Variants in MVB12B observed in about 807,000 individuals in gnomAD.
MVB12B encodes multivesicular body subunit 12B, also known as ESCRT-I complex subunit MVB12B.
A neutral mutation model predicts 41.6 loss-of-function variants in MVB12B; 16 were observed. The observed-to-expected ratio is 0.38, with a 90% CI of 0.26 to 0.58. The LOEUF is 0.58. Among genes scored for constraint, MVB12B ranks in the 20% least tolerant of loss-of-function variants. MVB12B has a pLI of 0.62. For synonymous variants in MVB12B, 133 were observed against 139.7 expected, an observed-to-expected ratio of 0.95 and a Z score of 0.34; for missense variants, 274 against 380.2, an observed-to-expected ratio of 0.72 and a Z score of 2.32.
At position 126,389,475 on chromosome 9, in the gene MVB12B, A is replaced by T. The variant is rs1830884516; in HGVS notation, c.410-2591A>T. Among the ~76,000 whole-genome samples the T allele has an allele frequency of 2.0e-5, 3 of 152,178 alleles. No homozygotes were observed. Among genetic ancestry groups the T allele is most frequent in the Admixed American group, 6.5e-5 (1 of 15,282 alleles). ...TACTTTCTCTGTGTTCATTAGCATG[A>T]CTGAACACATTTCTATTGACTATGT... On this transcript the variant is annotated intron_variant, in intron 4 of 9. Transcript: ENST00000361171. The surrounding 1 kb of genome is among the most constrained non-coding windows in gnomAD (Gnocchi z 4.4).
intron 3 of MVB12B, among the ~76,000 whole-genome samples, chr9:126,381,929 T>C (rs1198606177): frequency 6.6e-6 from 1 of 152,074 alleles, no homozygotes; most frequent in Admixed American, 6.5e-5. Context: ...TTGTTCAAGG[T>C]TACTTCTCTT....
At chr9:126,372,355 A>G (rs1204828660) in intron 2 of MVB12B, among the ~76,000 whole-genome samples, 1 of 152,240 alleles carries the variant, frequency 6.6e-6, no homozygotes, top group African/African-American at 2.4e-5. Flanking sequence ...GTTTGTATGT[A>G]GACGCTTGTT....
chr9:126,374,477 C>G lies in MVB12B; in HGVS notation c.205-6587C>G, dbSNP rs1204778882. 4.6e-5 allele frequency among the ~76,000 whole-genome samples: 7 copies of G among 152,198 alleles called. No individual in the cohort carries two copies. The East Asian group carries it at 1.3e-3, about 29-fold the overall frequency. On this transcript the variant is annotated intron_variant, in intron 2 of 9. Transcript: ENST00000361171. ...CCTCTGTGACTGCTGCACAGTGGCC[C>G]AGAATGTGACCTCTGAACTCAAGCT...
intron 7 of MVB12B, among the ~76,000 whole-genome samples, chr9:126,463,197 C>T (rs937940762): frequency 1.3e-5 from 2 of 152,138 alleles, no homozygotes; most frequent in African/African-American, 4.8e-5. Context: ...TGGAAACACA[C>T]CTCTGCGTAG....
intron 6 of MVB12B, among the ~76,000 whole-genome samples, chr9:126,409,892 T>C (rs1455567113): frequency 6.6e-6 from 1 of 152,254 alleles, no homozygotes; most frequent in Admixed American, 6.5e-5. Flanking sequence ...TTGCCTGGAA[T>C]GATGATTAAT....
intron 6 of MVB12B, among the ~76,000 whole-genome samples, chr9:126,418,531 G>A (rs932732375): frequency 1.3e-5 from 2 of 152,100 alleles, no homozygotes; most frequent in African/African-American, 2.4e-5. Context: ...CCACATTGGC[G>A]CCTTAGTTTT....
chr9:126,437,236 C>T (rs1225803848), intron 7 of MVB12B, among the ~76,000 whole-genome samples: 1 of 152,072 alleles, frequency 6.6e-6, no homozygotes, highest in Non-Finnish European at 1.5e-5. Flanking sequence ...TAGGAAGCTG[C>T]TATGTAGTTC....
chr9:126,457,102 A>G (rs1044365674), intron 7 of MVB12B, among the ~76,000 whole-genome samples: 2 of 152,086 alleles, frequency 1.3e-5, no homozygotes, highest in African/African-American at 4.8e-5. Flanking sequence ...TGGCAGGCTT[A>G]TTCCTCCCAG....
At chr9:126,332,246 C>A (rs1829151273) in intron 1 of MVB12B, among the ~76,000 whole-genome samples, 1 of 152,132 alleles carries the variant, frequency 6.6e-6, no homozygotes, top group Admixed American at 6.5e-5. Context: ...AGAGTCCCCT[C>A]CTTTGCAGTC....
intron 7 of MVB12B, among the ~76,000 whole-genome samples, chr9:126,446,254 ATTTTG>A (rs1832763013): frequency 6.6e-6 from 1 of 151,988 alleles, no homozygotes; most frequent in South Asian, 2.1e-4. Flanking sequence ...GATACAGATT[ATTTTG>A]TTTTGATGAT....
chr9:126,386,445 T>C lies in MVB12B; in HGVS notation c.313-117T>C, dbSNP rs1588129416. 3.0e-6 allele frequency: 2 copies of C among 674,312 alleles called. No individual in the cohort carries two copies. Among genetic ancestry groups the C allele is most frequent in the South Asian group, 3.5e-5 (2 of 57,908 alleles). 41.8% of individuals were successfully genotyped at this position (674,312 alleles called of 1,614,324 possible). A position where few individuals can be genotyped will look rare whatever the true frequency, so the allele number is the denominator to read the frequency against. On this transcript the variant is annotated intron_variant, in intron 3 of 9. Coordinates refer to ENST00000361171, the MANE Select transcript of MVB12B (RefSeq NM_033446.3). The surrounding 1 kb of genome is among the most constrained non-coding windows in gnomAD (Gnocchi z 4.3). The stretch of plus-strand genomic sequence containing the variant: ...TAAGTGTCACCTACTCTAATTAACC[T>C]GCTGTCATAAAGCTGCACGAGTCAT...
intron 6 of MVB12B, among the ~76,000 whole-genome samples, chr9:126,418,157 G>C (rs1358206607): frequency 6.6e-6 from 1 of 151,220 alleles, no homozygotes; most frequent in Non-Finnish European, 1.5e-5. Context: ...GACGAAGTGG[G>C]AGTTGGCGGG....
intron 7 of MVB12B, among the ~76,000 whole-genome samples, chr9:126,470,532 G>A (rs937478512): frequency 1.3e-5 from 2 of 152,264 alleles, no homozygotes; most frequent in Admixed American, 1.3e-4. Flanking sequence ...GAGGAGGTGG[G>A]GGGGCTGGTG....
At chr9:126,499,635 T>A in intron 9 of MVB12B, among the ~76,000 whole-genome samples, 1 of 152,096 alleles carries the variant, frequency 6.6e-6, no homozygotes, top group Non-Finnish European at 1.5e-5. Flanking sequence ...GGACCGCGTC[T>A]GCGGGAAGGC....
intron 7 of MVB12B, among the ~76,000 whole-genome samples, chr9:126,472,402 A>G (rs957060303): frequency 3.3e-5 from 5 of 151,250 alleles, no homozygotes; most frequent in Non-Finnish European, 7.4e-5. Flanking sequence ...GTCCAAACAA[A>G]TGCAGCATGC....
At chr9:126,426,968 G>C (rs1832197436) in intron 7 of MVB12B, 1 of 152,322 alleles carries the variant, frequency 6.6e-6, no homozygotes, top group African/African-American at 2.4e-5. Flanking sequence ...CAAAATGAGT[G>C]CTCTTGTTTT....
rs548693805 is a variant in MVB12B, at chr9:126,453,101, G to A, written c.758-28268G>A. ...GCCTGCCTCCCGGGATTGTGGTAAAGACTAATTAAGAGAAGACTTGCTGAA... is the reference window on the plus strand; with the variant it reads ...GCCTGCCTCCCGGGATTGTGGTAAAAACTAATTAAGAGAAGACTTGCTGAA... On this transcript the variant is annotated intron_variant, in intron 7 of 9. Transcript: ENST00000361171. 2.0e-5 allele frequency among the ~76,000 whole-genome samples: 3 copies of A among 152,156 alleles called. No individual in the cohort carries two copies. In the East Asian group the frequency reaches 5.8e-4, roughly 29 times the overall value.
At chr9:126,461,480 G>C (rs1326655311) in intron 7 of MVB12B, among the ~76,000 whole-genome samples, 1 of 152,170 alleles carries the variant, frequency 6.6e-6, no homozygotes, top group Non-Finnish European at 1.5e-5. Flanking sequence ...CTCAAGGCTT[G>C]AAAGAAACTA....
chr9:126,434,413 G>A (rs150649407), intron 7 of MVB12B, among the ~76,000 whole-genome samples: 2 of 152,286 alleles, frequency 1.3e-5, no homozygotes, highest in Non-Finnish European at 2.9e-5. Flanking sequence ...TTAGAGAGCA[G>A]TTTCTTACGC....
Sources: gnomAD v4.1 joint callset for allele counts (sites outside exome capture counted in the v4.1 genomes callset) on GRCh38, gnomAD v4.1.1 for gene constraint, Gnocchi (gnomAD v3.1) non-coding constraint, MANE v1.5 for transcripts, NCBI Gene and HGNC (gene_info 2026-07-23, HGNC 2026-07-21) for gene names.